Variants in TPRG1 observed in about 807,000 individuals in gnomAD.
The protein encoded by TPRG1 is tumor protein p63-regulated gene 1 protein.
In TPRG1, 29 loss-of-function variants were observed where a neutral mutation model predicts 29.3. The ratio of observed to expected loss-of-function variants is 0.99; its 90% CI spans 0.74 to 1.35. The LOEUF (loss-of-function observed/expected upper bound fraction) is 1.35, where lower values mean the gene tolerates loss of function less well. TPRG1 is among the 40% of genes most tolerant of loss of function. The probability of loss-of-function intolerance (pLI) is 0.00; values close to 1 mark genes in which losing one functional copy is unlikely to be tolerated. For synonymous variants in TPRG1, 130 were observed against 116.8 expected, an observed-to-expected ratio of 1.11 and a Z score of -0.73; for missense variants, 327 against 335.0, an observed-to-expected ratio of 0.98 and a Z score of 0.19.
chr3:189,139,667 A>AT (rs35742411), intron 3 of TPRG1, among the ~76,000 whole-genome samples: 5,551 of 133,874 alleles, frequency 0.041, 298 homozygotes, highest in African/African-American at 0.13. Flanking sequence ...CAGCTGAAGG[A>AT]TTTTTTTTTT....
chr3:189,020,568 T>A (rs1713241296), intron 3 of TPRG1, among the ~76,000 whole-genome samples: 1 of 151,224 alleles, frequency 6.6e-6, no homozygotes, highest in African/African-American at 2.4e-5. Flanking sequence ...TCCTGAGTTC[T>A]AGTTTGATTG....
intron 4 of TPRG1, among the ~76,000 whole-genome samples, chr3:189,307,239 G>A (rs900263464): frequency 9.2e-5 from 14 of 152,062 alleles, no homozygotes; most frequent in African/African-American, 3.1e-4. Context: ...GACCAGGCTG[G>A]TCTCAAACTC....
At chr3:189,130,668 T>G (rs1723010723) in intron 2 of TPRG1, among the ~76,000 whole-genome samples, 2 of 152,194 alleles carry the variant, frequency 1.3e-5, no homozygotes, top group Admixed American at 1.3e-4. Context: ...AAGCAACCAT[T>G]TATATATTCT....
At chr3:189,142,138 A>T (rs942454306) in intron 3 of TPRG1, among the ~76,000 whole-genome samples, 2 of 152,192 alleles carry the variant, frequency 1.3e-5, no homozygotes. Flanking sequence ...AAGACAGGTC[A>T]TTTCGGGCAG....
chr3:189,244,256 C>T (rs570894880), intron 4 of TPRG1, among the ~76,000 whole-genome samples: 1 of 151,846 alleles, frequency 6.6e-6, no homozygotes, highest in African/African-American at 2.4e-5. Flanking sequence ...ATGGTGAAAC[C>T]CCGTTTCTAT....
intron 2 of TPRG1, 26 bp from the exon 3 acceptor site, chr3:189,215,266 C>T (rs1172162068): frequency 1.3e-6 from 2 of 1,592,224 alleles, no homozygotes; most frequent in Admixed American, 1.8e-5. Context: ...CTGCTCTAAA[C>T]TAGGTATTTT....
chr3:189,083,730 G>C (rs1230133156), intron 4 of TPRG1, among the ~76,000 whole-genome samples: 2 of 152,184 alleles, frequency 1.3e-5, no homozygotes, highest in Non-Finnish European at 2.9e-5. Flanking sequence ...AAATTCTAGA[G>C]ATGGAATTAT....
chr3:189,131,797 C>G (rs534591664), intron 2 of TPRG1, among the ~76,000 whole-genome samples: 2 of 152,306 alleles, frequency 1.3e-5, no homozygotes, highest in East Asian at 3.9e-4. Flanking sequence ...CTGCTTGTCT[C>G]TCATCTCCTT....
intron 1 of TPRG1, among the ~76,000 whole-genome samples, chr3:189,116,605 C>CTTT (rs3065340): frequency 0.019 from 2,829 of 152,206 alleles, 98 homozygotes; most frequent in African/African-American, 0.061. Flanking sequence ...AGTATTCAGC[C>CTTT]TTAAAAAGGA....
At chr3:189,266,566 G>A (rs1469214209) in intron 4 of TPRG1, among the ~76,000 whole-genome samples, 5 of 152,186 alleles carry the variant, frequency 3.3e-5, no homozygotes, top group East Asian at 1.9e-4. Context: ...CAGGAGATCC[G>A]TTTTTGTGAT....
At position 189,187,310 on chromosome 3, in the gene TPRG1, T is replaced by G. The variant is rs573844498; in HGVS notation, c.-10+15179T>G. ...AGTTCATCTAACTTTTTTTTGTTTGTTTTTTGTTTTTTTTGAGATGGAGTC... is the reference window on the plus strand; with the variant it reads ...AGTTCATCTAACTTTTTTTTGTTTGGTTTTTGTTTTTTTTGAGATGGAGTC... On this transcript the variant is annotated intron_variant, in intron 1 of 5. Transcript: ENST00000345063. Among the ~76,000 whole-genome samples the G allele has an allele frequency of 8.2e-3, 1,235 of 151,104 alleles. 20 individuals carry two copies. Among genetic ancestry groups the G allele is most frequent in the African/African-American group, 0.029 (1,194 of 41,070 alleles).
intron 1 of TPRG1, among the ~76,000 whole-genome samples, chr3:189,120,658 A>G (rs1721725093): frequency 6.6e-6 from 1 of 152,256 alleles, no homozygotes; most frequent in Non-Finnish European, 1.5e-5. Context: ...AAAGTTGTCC[A>G]GAGAAAAGTA....
At chr3:189,102,682 C>T (rs564344570) in intron 1 of TPRG1, among the ~76,000 whole-genome samples, 49 of 152,136 alleles carry the variant, frequency 3.2e-4, no homozygotes, top group Non-Finnish European at 5.4e-4. Flanking sequence ...AGGAATCAGA[C>T]GATGTTCATT....
At chr3:189,223,152 G>A in intron 3 of TPRG1, among the ~76,000 whole-genome samples, 1 of 152,118 alleles carries the variant, frequency 6.6e-6, no homozygotes, top group South Asian at 2.1e-4. Flanking sequence ...CACATGATTG[G>A]GCTCAGAACT....
intron 4 of TPRG1, among the ~76,000 whole-genome samples, chr3:189,274,888 A>G (rs1274774000): frequency 6.6e-6 from 1 of 151,958 alleles, no homozygotes; most frequent in African/African-American, 2.4e-5. Flanking sequence ...TAAATAATAA[A>G]CAAGAATCAC....
intron 1 of TPRG1, among the ~76,000 whole-genome samples, chr3:189,195,819 T>G (rs933811431): frequency 1.3e-5 from 2 of 152,110 alleles, no homozygotes; most frequent in Non-Finnish European, 2.9e-5. Flanking sequence ...AGGGATGGAG[T>G]GGTAGAGGCC....
intron 2 of TPRG1, among the ~76,000 whole-genome samples, chr3:189,208,561 C>A (rs950112651): frequency 1.3e-5 from 2 of 152,048 alleles, no homozygotes; most frequent in Non-Finnish European, 2.9e-5. Flanking sequence ...TTAACTAAAG[C>A]AACTTAACGA....
chr3:189,164,649 G>T (rs372045626), intron 5 of TPRG1, among the ~76,000 whole-genome samples: 3 of 151,200 alleles, frequency 2.0e-5, no homozygotes, highest in East Asian at 3.9e-4. Flanking sequence ...AAAAAAAAAG[G>T]TATCTGAAAT....
intron 4 of TPRG1, among the ~76,000 whole-genome samples, chr3:189,309,653 C>G (rs749131484): frequency 2.0e-5 from 3 of 152,132 alleles, no homozygotes; most frequent in Non-Finnish European, 4.4e-5. Flanking sequence ...ACCATGAGTT[C>G]TCTCCCTGTT....
Sources: allele counts gnomAD v4.1 joint callset (sites outside exome capture counted in the v4.1 genomes callset), GRCh38; gene constraint gnomAD v4.1.1; transcripts MANE v1.5; gene names NCBI Gene and HGNC (gene_info 2026-07-23, HGNC 2026-07-21).